Variants in COL4A1 observed in about 807,000 individuals in gnomAD.
COL4A1 encodes collagen type IV alpha 1 chain, also known as collagen alpha-1(IV) chain.
Under a neutral mutation model 216.6 loss-of-function variants are expected in COL4A1, and 40 were observed. The ratio of observed to expected loss-of-function variants is 0.18; its 90% CI spans 0.14 to 0.24. COL4A1 has a LOEUF of 0.24. COL4A1 is among the 10% of genes least tolerant of loss of function. The pLI is 1.00. For missense variants in COL4A1, 1,628 were observed against 2,196.8 expected, an observed-to-expected ratio of 0.74 and a Z score of 5.18; for synonymous variants, 839 against 810.7, an observed-to-expected ratio of 1.03 and a Z score of -0.59.
chr13:110,157,100 C>T (rs1876821287), intron 49 of COL4A1, among the ~76,000 whole-genome samples: 1 of 152,190 alleles, frequency 6.6e-6, no homozygotes, highest in African/African-American at 2.4e-5. Flanking sequence ...TGCCCCATTG[C>T]AGGCTTAAAG....
Position 110,179,972 on chromosome 13 carries a change from A to C in COL4A1, c.2194-551T>G, listed in dbSNP as rs762692560. On this transcript the variant is annotated intron_variant, in intron 29 of 51. Transcript: ENST00000375820. Reference sequence around the variant, plus strand: ...AAAATAAAGGGTGAAGGTGCCTTGGAAACAGCCTGGATTTAGGCATAGATG... The same window carrying C: ...AAAATAAAGGGTGAAGGTGCCTTGGCAACAGCCTGGATTTAGGCATAGATG... 4.6e-5 allele frequency among the ~76,000 whole-genome samples: 7 copies of C among 152,210 alleles called. 1 individual carries two copies. Among genetic ancestry groups the C allele is most frequent in the African/African-American group, 4.8e-5 (2 of 41,454 alleles).
chr13:110,179,367 T>G lies in COL4A1; in HGVS notation c.2248A>C (p.Ile750Leu). The change falls in exon 30 of 52, where the codon ATT (isoleucine) becomes CTT (leucine). Residue 750 changes from isoleucine to leucine, a missense_variant. This residue lies in a region of COL4A1 where 701 missense variants were observed against 892.5 expected (regional missense o/e 0.79). Transcript: ENST00000375820. ...CCCTTCTCCCCGGGTGTGCCAGGAA[T>G]GCCGGGAAGACCTGGCAAACCTTTG... is the stretch of plus-strand genomic sequence containing the variant. ...GLKGLPGLPG[I>L]PGTPGEKGSI... is the part of the protein sequence containing the mutation. 4 of 1,614,140 alleles carry G rather than the reference T, an allele frequency of 2.5e-6. No individual in the cohort carries two copies. Among genetic ancestry groups the G allele is most frequent in the Non-Finnish European group, 3.4e-6 (4 of 1,180,014 alleles).
At chr13:110,162,505 A>T in intron 47 of COL4A1, 63 bp from the exon 48 acceptor site, 1 of 1,181,770 alleles carries the variant, frequency 8.5e-7, no homozygotes. Context: ...AGGCTTTCAA[A>T]ATCATTTTCT....
intron 1 of COL4A1, among the ~76,000 whole-genome samples, chr13:110,304,469 G>A (rs1419260935): frequency 1.3e-5 from 2 of 152,240 alleles, no homozygotes; most frequent in East Asian, 3.9e-4. Context: ...ACCAGCTAGA[G>A]GGGAGTGTGA....
chr13:110,262,072 T>C (rs1297955808), intron 1 of COL4A1, among the ~76,000 whole-genome samples: 3 of 152,176 alleles, frequency 2.0e-5, no homozygotes, highest in Non-Finnish European at 2.9e-5. Flanking sequence ...GGGTGGAGTG[T>C]GGTTTCTTCA....
intron 2 of COL4A1, among the ~76,000 whole-genome samples, chr13:110,234,676 CT>C (rs1296527892): frequency 2.6e-5 from 4 of 152,172 alleles, no homozygotes; most frequent in Non-Finnish European, 5.9e-5. Context: ...GATACACTAT[CT>C]TATTACAGGC....
At chr13:110,180,119 T>C (rs472457) in intron 29 of COL4A1, among the ~76,000 whole-genome samples, 152,310 of 152,312 alleles carry the variant, frequency 1, 76,154 homozygotes, top group Non-Finnish European at 1. Flanking sequence ...AACTTCCCTA[T>C]TTGTCCCAGA....
intron 1 of COL4A1, among the ~76,000 whole-genome samples, chr13:110,252,655 A>ATATATACATATAAT (rs1882177673): frequency 1.6e-5 from 1 of 60,858 alleles, no homozygotes. Context: ...TACAAAATGT[A>ATATATACATATAAT]TATATGTATA....
chr13:110,208,878 A>G lies in COL4A1; in HGVS notation c.664T>C (p.Leu222=). The G allele has an allele frequency of 6.2e-7, 1 of 1,614,182 alleles. No individual in the cohort carries two copies. Among genetic ancestry groups the G allele is most frequent in the Non-Finnish European group, 8.5e-7 (1 of 1,180,034 alleles). Residue 222 remains leucine, a synonymous_variant, in exon 12 of 52, where the codon TTA becomes CTA. Coordinates refer to ENST00000375820, the MANE Select transcript of COL4A1 (RefSeq NM_001845.6). ...TCACCTTTTGGTCCTTGAAAACTTA[A>G]GCCCATTTGTCCCTGTGGATTAAAA... is the stretch of plus-strand genomic sequence containing the variant. ...GPPGEKGQMG[L]SFQGPKGDKG...
chr13:110,244,073 T>C (rs1289106152), intron 1 of COL4A1, among the ~76,000 whole-genome samples: 1 of 152,254 alleles, frequency 6.6e-6, no homozygotes, highest in African/African-American at 2.4e-5. Flanking sequence ...TTAAGTCTGA[T>C]ATAAAATGTT....
chr13:110,191,579 G>A (rs555307063), intron 24 of COL4A1: 47 of 638,160 alleles, frequency 7.4e-5, no homozygotes, highest in African/African-American at 6.1e-4. Context: ...TAAGAAGCTG[G>A]TATTTTGTTC....
intron 26 of COL4A1, among the ~76,000 whole-genome samples, chr13:110,185,312 A>C (rs1299065196): frequency 6.6e-6 from 1 of 151,958 alleles, no homozygotes; most frequent in Non-Finnish European, 1.5e-5. Flanking sequence ...TGCCCAGCTA[A>C]CTTTTGTATT....
Position 110,211,885 on chromosome 13 carries a change from C to T in COL4A1, c.425G>A (p.Gly142Asp). 1.2e-6 allele frequency: 2 copies of T among 1,614,088 alleles called. No individual in the cohort carries two copies. Among genetic ancestry groups the T allele is most frequent in the Non-Finnish European group, 1.7e-6 (2 of 1,180,010 alleles). Residue 142 changes from glycine (G) to aspartate (D), a missense_variant, in exon 7 of 52, where the codon GGT (glycine) becomes GAT (aspartate). Around this residue, in one of 8 missense-constraint regions of COL4A1, gnomAD observed 150 missense variants for 211.9 expected, o/e 0.71. Transcript: ENST00000375820. This position sits in a 1 kb window ranked among gnomAD's most constrained non-coding sequence, Gnocchi z 4.3. ...RGPLGPPGLP[G>D]FAGNPGPPGL... ...TCTACTCACGGGATTTCCAGCGAAACCAGGCAAGCCAGGAGGCCCGAGCGG... is the reference window on the plus strand; with the variant it reads ...TCTACTCACGGGATTTCCAGCGAAATCAGGCAAGCCAGGAGGCCCGAGCGG...
At chr13:110,259,222 C>T (rs1882705050) in intron 1 of COL4A1, among the ~76,000 whole-genome samples, 1 of 152,238 alleles carries the variant, frequency 6.6e-6, no homozygotes, top group East Asian at 1.9e-4. Context: ...CCATTTCCTC[C>T]TCTTCCGTCT....
rs376515379 is a variant in COL4A1 at position 110,242,706 on chromosome 13, T to G, written c.113A>C (p.Lys38Thr). Residue 38 changes from lysine (K) to threonine (T), a missense_variant, in exon 2 of 52, where the codon AAA becomes ACA. By Grantham distance (78) the Lys-to-Thr change is moderately conservative. This residue lies in a region of COL4A1 where 74 missense variants were observed against 61.7 expected (regional missense o/e 1.20). Transcript: ENST00000375820. ...KGGCAGSGCGKCDCHGVKGQK... is the reference protein window; with the variant it reads ...KGGCAGSGCGTCDCHGVKGQK... ...TCCCTTCACTCCATGGCAGTCACAT[T>G]TGCCACAGCCAGAGCCAGCACAGCC... 1.9e-5 allele frequency: 31 copies of G among 1,614,134 alleles called. No individual in the cohort carries two copies. Among genetic ancestry groups the G allele is most frequent in the Non-Finnish European group, 2.5e-5 (29 of 1,180,054 alleles).
intron 8 of COL4A1, among the ~76,000 whole-genome samples, chr13:110,210,627 T>C (rs1357223430): frequency 6.6e-6 from 1 of 152,202 alleles, no homozygotes; most frequent in Non-Finnish European, 1.5e-5. Context: ...GGCGTAATGG[T>C]AAATTTTATC....
At chr13:110,170,316 G>A (rs191434859) in intron 42 of COL4A1, among the ~76,000 whole-genome samples, 235 of 152,294 alleles carry the variant, frequency 1.5e-3, no homozygotes, top group Middle Eastern at 3.4e-3. Context: ...GTCCAGGCTT[G>A]TCCAATCATT....
Position 110,268,597 on chromosome 13 carries a change from G to C in COL4A1, c.85-25863C>G, listed in dbSNP as rs1883130388. On this transcript the variant is annotated intron_variant, in intron 1 of 51. Coordinates refer to ENST00000375820, the MANE Select transcript of COL4A1 (RefSeq NM_001845.6). This position sits in a 1 kb window ranked among gnomAD's most constrained non-coding sequence, Gnocchi z 4.1. ...CAGGGAAAATGCTTTTGAGCTTCAA[G>C]CCTCAGTTAAAATGCTGGCCGTGCC... Among the ~76,000 whole-genome samples, 1 of 152,222 alleles carries C rather than the reference G, an allele frequency of 6.6e-6. No individual in the cohort carries two copies. The highest frequency in any genetic ancestry group is 6.5e-5 in the Admixed American group (1 of 15,286).
At chr13:110,184,728 TGA>T (rs1878327218) in intron 26 of COL4A1, among the ~76,000 whole-genome samples, 1 of 152,042 alleles carries the variant, frequency 6.6e-6, no homozygotes, top group South Asian at 2.1e-4. Flanking sequence ...TGTTTGTTTT[TGA>T]GACAGTGTCT....
Sources: gnomAD v4.1 joint callset for allele counts (sites outside exome capture counted in the v4.1 genomes callset) on GRCh38, gnomAD v4.1.1 for gene constraint, gnomAD v4.1.1 regional missense constraint, Gnocchi (gnomAD v3.1) non-coding constraint, MANE v1.5 for transcripts, NCBI Gene and HGNC (gene_info 2026-07-23, HGNC 2026-07-21) for gene names.